The following NXPH1 variants were observed in gnomAD, a reference collection of about 807,000 sequenced individuals.
The protein encoded by NXPH1 is neurexophilin 1, also known as neurexophilin-1.
NXPH1 carries 5 observed loss-of-function variants against 23.7 expected under a neutral mutation model. That is an observed-to-expected ratio of 0.21 (90% CI 0.11 to 0.44). NXPH1 has a LOEUF of 0.44. Ranked by LOEUF, NXPH1 falls within the 20% of genes least tolerant of loss-of-function variation. The pLI, the probability that NXPH1 is intolerant of heterozygous loss-of-function variation, is 0.99. For missense variants in NXPH1, 324 were observed against 321.6 expected, an observed-to-expected ratio of 1.01 and a Z score of -0.06; for synonymous variants, 144 against 122.2, an observed-to-expected ratio of 1.18 and a Z score of -1.18.
chr7:8,567,913 G>A (rs1330597319), intron 2 of NXPH1, among the ~76,000 whole-genome samples: 1 of 151,810 alleles, frequency 6.6e-6, no homozygotes, highest in Non-Finnish European at 1.5e-5. Flanking sequence ...AGCTAGGAGT[G>A]GCCTTACATC....
intron 2 of NXPH1, among the ~76,000 whole-genome samples, chr7:8,511,002 T>C (rs1817602546): frequency 6.6e-6 from 1 of 152,090 alleles, no homozygotes; most frequent in Non-Finnish European, 1.5e-5. Flanking sequence ...TCCCTGACCT[T>C]GGATCAATAA....
chr7:8,735,297 G>A (rs1171239971), intron 2 of NXPH1, among the ~76,000 whole-genome samples: 1 of 152,044 alleles, frequency 6.6e-6, no homozygotes, highest in Admixed American at 6.6e-5. Flanking sequence ...ATAGCTCTTA[G>A]TATTTTAAGA....
At chr7:8,455,552 T>A (rs1030542311) in intron 2 of NXPH1, among the ~76,000 whole-genome samples, 1 of 152,224 alleles carries the variant, frequency 6.6e-6, no homozygotes, top group Non-Finnish European at 1.5e-5. Flanking sequence ...GACTTCCCTC[T>A]TTCTGTACAC....
In NXPH1 at chr7:8,729,273, ATCCTTTCAAAAAACCAGC is replaced by A. The variant is rs1404354203; in HGVS notation, c.55-21730_55-21713del. 3.8e-4 allele frequency among the ~76,000 whole-genome samples: 55 copies of A among 145,642 alleles called. 1 individual carries two copies. Among genetic ancestry groups the A allele is most frequent in the African/African-American group, 1.4e-3 (53 of 38,246 alleles). On this transcript the variant is annotated intron_variant, in intron 2 of 2. Coordinates refer to ENST00000405863, the MANE Select transcript of NXPH1 (RefSeq NM_152745.3). ...TGCTAGCGGTCTATCAATTTTGTTG[ATCCTTTCAAAAAACCAGC>A]TCCTGGATTCATTAATTTTTTGAAG...
At chr7:8,681,874 T>C (rs932636896) in intron 2 of NXPH1, among the ~76,000 whole-genome samples, 3 of 152,194 alleles carry the variant, frequency 2.0e-5, no homozygotes, top group Non-Finnish European at 4.4e-5. Flanking sequence ...TAGAAACTTG[T>C]CCAGCCCATA....
chr7:8,570,825 T>C (rs1204393224), intron 2 of NXPH1, among the ~76,000 whole-genome samples: 2 of 151,696 alleles, frequency 1.3e-5, no homozygotes, highest in African/African-American at 4.8e-5. Flanking sequence ...CATGGTAGAT[T>C]GGGTGGTTTA....
In NXPH1 at chr7:8,616,666, G is replaced by T. The variant is rs143066892; in HGVS notation, c.55-134342G>T. 5.1e-4 allele frequency among the ~76,000 whole-genome samples: 78 copies of T among 152,044 alleles called. No individual in the cohort carries two copies. The East Asian group carries it at 0.014, about 27-fold the overall frequency. ...GCAGGTAGAAGCATGGCAGCCAGGG[G>T]GGACTGAGGGAAAGACATTGTTGCT... is the stretch of plus-strand genomic sequence containing the variant. On this transcript the variant is annotated intron_variant, in intron 2 of 2. Coordinates refer to ENST00000405863, the MANE Select transcript of NXPH1 (RefSeq NM_152745.3).
chr7:8,629,114 A>C (rs1820065338), intron 2 of NXPH1, among the ~76,000 whole-genome samples: 1 of 152,124 alleles, frequency 6.6e-6, no homozygotes, highest in Non-Finnish European at 1.5e-5. Flanking sequence ...TTCCATTATG[A>C]AAATGATTGA....
At chr7:8,571,346 C>A (rs1459650223) in intron 2 of NXPH1, among the ~76,000 whole-genome samples, 4 of 151,530 alleles carry the variant, frequency 2.6e-5, no homozygotes, top group African/African-American at 4.8e-5. Context: ...AAAGAGGATG[C>A]CCATCGAGAA....
chr7:8,662,696 G>T (rs1340097065), intron 2 of NXPH1, among the ~76,000 whole-genome samples: 1 of 151,960 alleles, frequency 6.6e-6, no homozygotes, highest in Admixed American at 6.6e-5. Flanking sequence ...ATAAGTATCA[G>T]TCAGGGCTGG....
intron 2 of NXPH1, among the ~76,000 whole-genome samples, chr7:8,486,227 C>G (rs1030835414): frequency 6.6e-6 from 1 of 152,152 alleles, no homozygotes; most frequent in African/African-American, 2.4e-5. Context: ...CCACAGGGAG[C>G]AAAATGGCAT....
intron 2 of NXPH1, among the ~76,000 whole-genome samples, chr7:8,674,022 T>C (rs12702763): frequency 0.6 from 91,565 of 151,994 alleles, 28,943 homozygotes; most frequent in East Asian, 0.76. Context: ...ATCTATTGTC[T>C]ACTTGGTTTG....
intron 2 of NXPH1, among the ~76,000 whole-genome samples, chr7:8,582,555 G>A (rs1209439870): frequency 6.6e-6 from 1 of 152,152 alleles, no homozygotes; most frequent in Non-Finnish European, 1.5e-5. Context: ...GCTCTGCAGT[G>A]GGTAGCTCCT....
intron 2 of NXPH1, among the ~76,000 whole-genome samples, chr7:8,616,734 C>CA (rs1490016733): frequency 6.6e-6 from 1 of 150,832 alleles, no homozygotes; most frequent in Non-Finnish European, 1.5e-5. Flanking sequence ...ATACTAGAGG[C>CA]AAAAAAGGTA....
chr7:8,448,905 C>T (rs1816455774), intron 2 of NXPH1, among the ~76,000 whole-genome samples: 1 of 150,770 alleles, frequency 6.6e-6, no homozygotes, highest in African/African-American at 2.4e-5. Context: ...TCAATAGGAT[C>T]AATAAATAGA....
chr7:8,435,796 C>G lies in NXPH1; in HGVS notation c.54+29C>G. The G allele has an allele frequency of 8.1e-6, 13 of 1,610,712 alleles. No homozygotes were observed. Among genetic ancestry groups the G allele is most frequent in the Non-Finnish European group, 1.1e-5 (13 of 1,177,026 alleles). On this transcript the variant is annotated intron_variant, in intron 2 of 2. Coordinates refer to ENST00000405863, the MANE Select transcript of NXPH1 (RefSeq NM_152745.3). This position sits in a 1 kb window ranked among gnomAD's most constrained non-coding sequence, Gnocchi z 5.9. ...AGTCTTGGAAGGTTCGGGGCTTTCG[C>G]ATTTTTACCCCGGCCGGGAGGCAAG...
At chr7:8,493,235 G>A (rs570019605) in intron 2 of NXPH1, among the ~76,000 whole-genome samples, 1 of 152,108 alleles carries the variant, frequency 6.6e-6, no homozygotes, top group South Asian at 2.1e-4. Flanking sequence ...TCACCTGAAG[G>A]AATGTCTCCT....
chr7:8,625,479 T>C (rs1819967458), intron 2 of NXPH1, among the ~76,000 whole-genome samples: 1 of 152,142 alleles, frequency 6.6e-6, no homozygotes, highest in Non-Finnish European at 1.5e-5. Flanking sequence ...AAACCTGGAA[T>C]GATGAATGCT....
intron 2 of NXPH1, among the ~76,000 whole-genome samples, chr7:8,731,834 G>T (rs1204894005): frequency 6.6e-6 from 1 of 152,226 alleles, no homozygotes; most frequent in African/African-American, 2.4e-5. Context: ...GCCTACAGAG[G>T]CAGGCAGGCC....
Sources: allele counts gnomAD v4.1 joint callset (sites outside exome capture counted in the v4.1 genomes callset), GRCh38; gene constraint gnomAD v4.1.1; non-coding constraint Gnocchi (gnomAD v3.1); transcripts MANE v1.5; gene names NCBI Gene and HGNC (gene_info 2026-07-23, HGNC 2026-07-21).